C1QTNF3: variants seen among roughly 807,000 people sequenced by gnomAD.
C1QTNF3 encodes complement C1q tumor necrosis factor-related protein 3.
C1QTNF3 carries 26 observed loss-of-function variants against 32.6 expected under a neutral mutation model. The observed-to-expected ratio is 0.80, with a 90% CI of 0.58 to 1.11. The LOEUF is 1.11. Among genes scored for constraint, C1QTNF3 ranks in the 50% least tolerant of loss-of-function variants. The pLI is 0.00. For synonymous variants in C1QTNF3, 155 were observed against 146.0 expected (o/e 1.06, Z -0.44); for missense variants, 362 against 398.2 (o/e 0.91, Z 0.77).
chr5:34,117,289 G>A, the C1QTNF3 span, among the ~76,000 whole-genome samples: 2 of 151,952 alleles, frequency 1.3e-5, no homozygotes, highest in East Asian at 3.9e-4. Context: ...CTTAGTGATG[G>A]TTTCAGGGTG....
At chr5:34,176,504 A>G in the C1QTNF3 span, among the ~76,000 whole-genome samples, 1 of 152,082 alleles carries the variant, frequency 6.6e-6, no homozygotes, top group Non-Finnish European at 1.5e-5. Context: ...CTTTATTTAT[A>G]AATATAATCT....
chr5:34,171,897 T>C, the C1QTNF3 span, among the ~76,000 whole-genome samples: 1 of 152,226 alleles, frequency 6.6e-6, no homozygotes, highest in African/African-American at 2.4e-5. Flanking sequence ...TACCCATAAA[T>C]GTACCCATTG....
At chr5:34,035,845 G>GTAA in intron 1 of C1QTNF3, 87 bp from the exon 2 acceptor site, 1 of 965,592 alleles carries the variant, frequency 1.0e-6, no homozygotes. Flanking sequence ...TGGCCCTTAG[G>GTAA]TAAGCTTAAT....
At chr5:34,037,791 G>C (rs992163695) in intron 1 of C1QTNF3, among the ~76,000 whole-genome samples, 1 of 152,186 alleles carries the variant, frequency 6.6e-6, no homozygotes, top group Non-Finnish European at 1.5e-5. Context: ...GGGATTTCAG[G>C]ACACTTGGAA....
chr5:34,020,872 G>A, intron 5 of C1QTNF3, 130 bp from the exon 6 acceptor site: 1 of 896,526 alleles, frequency 1.1e-6, no homozygotes, highest in Non-Finnish European at 1.7e-6. Flanking sequence ...AACAGCCTGT[G>A]AGCAGAAATG....
At chr5:34,158,228 TC>T in the C1QTNF3 span, 7 of 151,380 alleles carry the variant, frequency 4.6e-5, no homozygotes, top group African/African-American at 1.7e-4. Context: ...TGCCTCAGCC[TC>T]CCGAGTAGCT....
Position 34,039,739 on chromosome 5 carries a change from G to A in C1QTNF3, c.303+3084C>T, listed in dbSNP as rs190041622. Reference sequence around the variant, plus strand: ...CCCACTTTTCCACTACAGTCGTCTCGCATTTTTTTCCAGCTCTACAATGCA... The same window carrying A: ...CCCACTTTTCCACTACAGTCGTCTCACATTTTTTTCCAGCTCTACAATGCA... On this transcript the variant is annotated intron_variant, in intron 1 of 5. Transcript: ENST00000382065. Among the ~76,000 whole-genome samples the A allele has an allele frequency of 1.4e-4, 22 of 152,262 alleles. No homozygotes were observed. The East Asian group carries it at 1.9e-3, about 13-fold the overall frequency.
chr5:34,164,237 A>C, the C1QTNF3 span, among the ~76,000 whole-genome samples: 1 of 152,164 alleles, frequency 6.6e-6, no homozygotes, highest in Non-Finnish European at 1.5e-5. Flanking sequence ...AATGCCTGAG[A>C]TGAAATGGTT....
At chr5:34,098,864 C>T in the C1QTNF3 span, among the ~76,000 whole-genome samples, 2 of 151,924 alleles carry the variant, frequency 1.3e-5, no homozygotes, top group Non-Finnish European at 2.9e-5. Context: ...CATTGTCCCA[C>T]TGTAAAAATA....
At chr5:34,154,627 T>G in the C1QTNF3 span, among the ~76,000 whole-genome samples, 1 of 152,192 alleles carries the variant, frequency 6.6e-6, no homozygotes, top group African/African-American at 2.4e-5. Context: ...TGAAATGACT[T>G]TGTGGGCATT....
intron 4 of C1QTNF3, among the ~76,000 whole-genome samples, chr5:34,028,005 C>T (rs113528599): frequency 0.049 from 7,442 of 151,762 alleles, 244 homozygotes; most frequent in Middle Eastern, 0.099. Context: ...CGGAGTCTCG[C>T]TCTGTCGCCC....
chr5:34,085,152 G>A, the C1QTNF3 span, among the ~76,000 whole-genome samples: 8 of 149,758 alleles, frequency 5.3e-5, no homozygotes, highest in South Asian at 1.3e-3. Context: ...CACTACGCCC[G>A]GCTAATTTTT....
the C1QTNF3 span, among the ~76,000 whole-genome samples, chr5:34,093,697 T>C: frequency 6.7e-6 from 1 of 148,824 alleles, no homozygotes; most frequent in Admixed American, 6.7e-5. Context: ...TTTACCTAGT[T>C]TATATATACC....
chr5:34,067,406 A>C, the C1QTNF3 span, among the ~76,000 whole-genome samples: 1 of 152,214 alleles, frequency 6.6e-6, no homozygotes, highest in Non-Finnish European at 1.5e-5. Context: ...GGCAATTTCC[A>C]AAAGAAAGAA....
At chr5:34,140,078 A>G in the C1QTNF3 span, among the ~76,000 whole-genome samples, 97,337 of 152,030 alleles carry the variant, frequency 0.64, 31,434 homozygotes, top group African/African-American at 0.66. Context: ...TCACAATGGA[A>G]GCTATAGCCA....
chr5:34,135,700 C>A, the C1QTNF3 span, among the ~76,000 whole-genome samples: 1 of 147,802 alleles, frequency 6.8e-6, no homozygotes, highest in African/African-American at 2.5e-5. Context: ...AAACAAAAAA[C>A]AAAGCTGGAG....
chr5:34,040,903 T>C (rs1445897054), intron 1 of C1QTNF3, among the ~76,000 whole-genome samples: 1 of 152,124 alleles, frequency 6.6e-6, no homozygotes, highest in Admixed American at 6.5e-5. Context: ...CTTTGACACT[T>C]TTGCCCAATT....
At position 34,028,827 on chromosome 5, in the gene C1QTNF3, G is replaced by A. The variant is rs200967666; in HGVS notation, c.627C>T (p.Ile209=). 14 of 1,613,616 alleles carry A rather than the reference G, an allele frequency of 8.7e-6. No homozygotes were observed. The African/African-American group carries it at 1.7e-4, about 20-fold the overall frequency. ...THFSNQNSGI[I]FSSVETNIGN... ...CAATGTTGGTCTCAACACTGCTGAA[G>A]ATAATCCCACTGTTCTGATTGCTGA... The change falls in exon 4 of 6, where the codon ATC becomes ATT. Residue 209 remains isoleucine (I), a synonymous_variant. Coordinates refer to ENST00000382065, the MANE Select transcript of C1QTNF3 (RefSeq NM_181435.6).
chr5:34,205,284 G>C, the C1QTNF3 span, among the ~76,000 whole-genome samples: 7 of 152,196 alleles, frequency 4.6e-5, no homozygotes, highest in Non-Finnish European at 1.0e-4. Context: ...GACTAGGTTA[G>C]AGGTAGTGAC....
Sources: allele counts gnomAD v4.1 joint callset (sites outside exome capture counted in the v4.1 genomes callset), GRCh38; gene constraint gnomAD v4.1.1; transcripts MANE v1.5; gene names NCBI Gene and HGNC (gene_info 2026-07-23, HGNC 2026-07-21).